ZNF43: variants seen among roughly 807,000 people sequenced by gnomAD.
The protein encoded by ZNF43 is zinc finger protein 43.
In ZNF43, 44 loss-of-function variants were observed where a neutral mutation model predicts 68.4. That is an observed-to-expected ratio of 0.64 (90% CI 0.51 to 0.83). The LOEUF (loss-of-function observed/expected upper bound fraction) is 0.83. Ranked by LOEUF, ZNF43 falls within the 40% of genes least tolerant of loss-of-function variation. The probability of loss-of-function intolerance (pLI) is 0.00; values close to 1 mark genes in which losing one functional copy is unlikely to be tolerated. For synonymous variants in ZNF43, 308 were observed against 307.8 expected (o/e 1.00, Z -0.01); for missense variants, 896 against 933.2 (o/e 0.96, Z 0.52).
Position 21,806,881 on chromosome 19 carries a change from T to C in ZNF43, c.*726A>G, listed in dbSNP as rs1450590524. 1 of 152,220 alleles carries C rather than the reference T, an allele frequency of 6.6e-6. No individual in the cohort carries two copies. The highest frequency in any genetic ancestry group is 1.5e-5 in the Non-Finnish European group (1 of 68,038). 9.4% of individuals were successfully genotyped at this position (152,220 alleles called of 1,614,324 possible). A position where few individuals can be genotyped will look rare whatever the true frequency, so the allele number is the denominator to read the frequency against. The stretch of plus-strand genomic sequence containing the variant: ...CATAAACTTAATTTCGGATTAAATT[T>C]TTTTCATTTTTACTGCATCTGCAAA... On this transcript the variant is annotated 3_prime_UTR_variant, in exon 4 of 4. Coordinates refer to ENST00000354959, the MANE Select transcript of ZNF43 (RefSeq NM_003423.4).
rs1486197634 is a variant in ZNF43, at chr19:21,809,784, C to T, written c.253G>A (p.Asp85Asn). 1.3e-6 allele frequency: 2 copies of T among 1,566,520 alleles called. No homozygotes were observed. Among genetic ancestry groups the T allele is most frequent in the South Asian group, 1.2e-5 (1 of 83,866 alleles). Residue 85 changes from aspartate (D) to asparagine (N), a missense_variant, in exon 4 of 4, where the codon GAC becomes AAC. By Grantham distance (23) the Asp-to-Asn change is conservative. Coordinates refer to ENST00000354959, the MANE Select transcript of ZNF43 (RefSeq NM_003423.4). ...TTTATATGCTGCTCTGGCCAAAAGT[C>T]TTGGGTAAAATGAGAACACATAACT... is the stretch of plus-strand genomic sequence containing the variant. ...PPVMCSHFTQ[D>N]FWPEQHIKDP... is the part of the protein sequence containing the mutation.
intron 1 of ZNF43, among the ~76,000 whole-genome samples, chr19:21,835,531 T>C (rs2145349965): frequency 6.6e-6 from 1 of 151,614 alleles, no homozygotes; most frequent in South Asian, 2.1e-4. Flanking sequence ...CTAATTTTTG[T>C]ATTTTTAGTA....
chr19:21,835,765 C>CT (rs1226189481), intron 1 of ZNF43, among the ~76,000 whole-genome samples: 1 of 152,222 alleles, frequency 6.6e-6, no homozygotes, highest in Admixed American at 6.5e-5. Flanking sequence ...GACGACCCTC[C>CT]TGTGGCCCCT....
rs1967941197 is a variant in ZNF43, at chr19:21,846,184, A to C, written c.30+5721T>G. Among the ~76,000 whole-genome samples, 3 of 152,222 alleles carry C rather than the reference A, an allele frequency of 2.0e-5. No homozygotes were observed. The South Asian group carries it at 6.2e-4, about 32-fold the overall frequency. On this transcript the variant is annotated intron_variant, in intron 1 of 3. Coordinates refer to the ZNF43 transcript ENST00000357491. ...AGATAACGTAGGAGCTGGTAGCACAATCACTACAGTGGGCAGGGTCTAGCT... is the reference window on the plus strand; with the variant it reads ...AGATAACGTAGGAGCTGGTAGCACACTCACTACAGTGGGCAGGGTCTAGCT...
rs779460073 is a variant in ZNF43 at position 21,808,735 on chromosome 19, G to C, written c.1302C>G (p.Ala434=). 2 of 1,599,320 alleles carry C rather than the reference G, an allele frequency of 1.3e-6. No individual in the cohort carries two copies. Among genetic ancestry groups the C allele is most frequent in the Non-Finnish European group, 1.7e-6 (2 of 1,175,432 alleles). ...KPYKCEECGK[A]FNWPSTLTKH... ...TAGTAAGGGTTGAGGGCCAGTTAAA[G>C]GCTTTGCCACATTCTTCACATTTGT... The change falls in exon 4 of 4, where the codon GCC becomes GCG. Residue 434 remains alanine, a synonymous_variant. Transcript: ENST00000354959.
rs939175529 is a variant in ZNF43, at chr19:21,818,011, G to A, written c.131-25C>T. ...CCTGTTTCAATAAAAAATAAATTAC[G>A]TGAATCTTGCTCATATTCTCCCATT... On this transcript the variant is annotated intron_variant, in intron 2 of 3. Coordinates refer to ENST00000354959, the MANE Select transcript of ZNF43 (RefSeq NM_003423.4). 1.4e-5 allele frequency: 22 copies of A among 1,593,992 alleles called. No individual in the cohort carries two copies. The East Asian group carries it at 3.4e-4, about 24-fold the overall frequency.
intron 1 of ZNF43, among the ~76,000 whole-genome samples, chr19:21,825,382 ATAGCTACTTG>A (rs2038065297): frequency 6.6e-6 from 1 of 152,244 alleles, no homozygotes; most frequent in Non-Finnish European, 1.5e-5. Flanking sequence ...AGTTTAGTTT[ATAGCTACTTG>A]TGGCAATAGC....
At position 21,806,511 on chromosome 19, in the gene ZNF43, A is replaced by C. The variant is rs1228970374; in HGVS notation, c.*1096T>G. 6.6e-6 allele frequency: 1 copy of C among 152,176 alleles called. No homozygotes were observed. Among genetic ancestry groups the C allele is most frequent in the Non-Finnish European group, 1.5e-5 (1 of 68,028 alleles). The allele number at this position is 152,176 out of a possible 1,614,324, so 9.4% of individuals were successfully genotyped here. On this transcript the variant is annotated 3_prime_UTR_variant, in exon 4 of 4. Transcript: ENST00000354959. ...TTACTGTTCCATAAAAAATGTTTTA[A>C]ATAATGCCCACCTAATAAAAGAATC... is the stretch of plus-strand genomic sequence containing the variant.
intron 1 of ZNF43, among the ~76,000 whole-genome samples, chr19:21,829,677 A>G (rs1249775702): frequency 6.6e-6 from 1 of 152,234 alleles, no homozygotes; most frequent in Non-Finnish European, 1.5e-5. Flanking sequence ...TTAAGATAAA[A>G]GAGTTGAACA....
intron 1 of ZNF43, chr19:21,841,722 T>G (rs1322585988): frequency 3.3e-5 from 5 of 152,206 alleles, no homozygotes; most frequent in Admixed American, 3.3e-4. Flanking sequence ...AAGAGAGTGA[T>G]ATCACCTAGA....
chr19:21,818,891 T>C lies in ZNF43; in HGVS notation c.130+204A>G, dbSNP rs187925751. On this transcript the variant is annotated intron_variant, in intron 2 of 3. Coordinates refer to ENST00000354959, the MANE Select transcript of ZNF43 (RefSeq NM_003423.4). ...ATTACTACTAATCTGGAGTGAAAGA[T>C]CAGCTCAGAAATGTGGAAAGTTCAG... is the stretch of plus-strand genomic sequence containing the variant. Among the ~76,000 whole-genome samples, 55 of 152,268 alleles carry C rather than the reference T, an allele frequency of 3.6e-4. No individual in the cohort carries two copies. The East Asian group carries it at 6.6e-3, about 18-fold the overall frequency.
At chr19:21,836,445 C>T (rs983595064), upstream of ZNF43, among the ~76,000 whole-genome samples, 3 of 152,226 alleles carry the variant, frequency 2.0e-5, no homozygotes, top group Non-Finnish European at 4.4e-5. Context: ...ATAAGGTCAT[C>T]TTCACTTATA....
At chr19:21,820,340 G>A (rs1354766804) in intron 1 of ZNF43, among the ~76,000 whole-genome samples, 3 of 135,768 alleles carry the variant, frequency 2.2e-5, no homozygotes, top group Non-Finnish European at 4.5e-5. Context: ...AGCACTTTGG[G>A]AGGTCAAGGT....
intron 3 of ZNF43, among the ~76,000 whole-genome samples, chr19:21,816,972 G>A (rs2037559403): frequency 6.6e-6 from 1 of 152,158 alleles, no homozygotes; most frequent in South Asian, 2.1e-4. Context: ...CAGGGGTGGT[G>A]GCTCATGCCT....
intron 1 of ZNF43, chr19:21,843,354 A>G (rs906089195): frequency 2.0e-6 from 2 of 985,210 alleles, no homozygotes; most frequent in African/African-American, 3.5e-5. Flanking sequence ...AATCAGATAA[A>G]ACAGTTCTTC....
chr19:21,826,730 G>C (rs1448103583), intron 1 of ZNF43, among the ~76,000 whole-genome samples: 1 of 152,000 alleles, frequency 6.6e-6, no homozygotes, highest in African/African-American at 2.4e-5. Flanking sequence ...AAGCTACTAA[G>C]GAGGCTGAGG....
At chr19:21,835,856 G>C (rs2038696273) in intron 1 of ZNF43, among the ~76,000 whole-genome samples, 180 bp downstream of exon 1, 1 of 152,212 alleles carries the variant, frequency 6.6e-6, no homozygotes, top group Non-Finnish European at 1.5e-5. Context: ...TCACTGCGCA[G>C]AGAAGAGACA....
rs117128403 is a variant in ZNF43 at position 21,813,814 on chromosome 19, G to C, written c.230-4007C>G. The stretch of plus-strand genomic sequence containing the variant: ...TTCTCACTTTGTCACCCAAGCTTAA[G>C]TACAGTGGCACAATTATGGCTCACT... On this transcript the variant is annotated intron_variant, in intron 3 of 3. Coordinates refer to ENST00000354959, the MANE Select transcript of ZNF43 (RefSeq NM_003423.4). Among the ~76,000 whole-genome samples the C allele has an allele frequency of 5.9e-4, 90 of 151,338 alleles. No individual in the cohort carries two copies. The East Asian group carries it at 0.016, about 28-fold the overall frequency.
chr19:21,835,906 T>C, intron 1 of ZNF43, 130 bp downstream of exon 1: 1 of 1,498,314 alleles, frequency 6.7e-7, no homozygotes, highest in Non-Finnish European at 9.2e-7. Flanking sequence ...CGCCATCTTA[T>C]GGCTGAAGGG....
Sources: allele counts gnomAD v4.1 joint callset (sites outside exome capture counted in the v4.1 genomes callset), GRCh38; gene constraint gnomAD v4.1.1; transcripts MANE v1.5; gene names NCBI Gene and HGNC (gene_info 2026-07-23, HGNC 2026-07-21).